ATM: variants seen among roughly 807,000 people sequenced by gnomAD.
The protein encoded by ATM is serine-protein kinase ATM.
In ATM, 308 loss-of-function variants were observed where a neutral mutation model predicts 387.0. That is an observed-to-expected ratio of 0.80 (90% confidence interval 0.73 to 0.87). The LOEUF (loss-of-function observed/expected upper bound fraction) is 0.87, where lower values mean the gene tolerates loss of function less well. Ranked by LOEUF, ATM falls within the 40% of genes least tolerant of loss-of-function variation. The probability of loss-of-function intolerance (pLI) is 0.00; values close to 1 mark genes in which losing one functional copy is unlikely to be tolerated. For synonymous variants in ATM, 1,156 were observed against 1,187.3 expected (o/e 0.97, Z 0.54); for missense variants, 3,312 against 3,560.9 (o/e 0.93, Z 1.78).
intron 61 of ATM, chr11:108,355,098 T>C (rs1426134070): frequency 1.8e-6 from 1 of 554,542 alleles, no homozygotes; most frequent in Non-Finnish European, 3.2e-6. Context: ...GTTAGAGCAT[T>C]GTAAGTAGTC....
chr11:108,296,225 T>C (rs1180783394), intron 32 of ATM, among the ~76,000 whole-genome samples: 3 of 106,214 alleles, frequency 2.8e-5, no homozygotes, highest in African/African-American at 8.7e-5. Context: ...GTTTTGATTT[T>C]CATCTTCCTA....
At chr11:108,256,137 G>T (rs553534191) in intron 13 of ATM, 78 bp from the exon 14 acceptor site, 2 of 1,322,276 alleles carry the variant, frequency 1.5e-6, no homozygotes, top group East Asian at 2.9e-5. Flanking sequence ...TATGTATGTA[G>T]AATTTGTTCT....
At chr11:108,307,107 A>G (rs561775661) in intron 37 of ATM, among the ~76,000 whole-genome samples, 1 of 150,530 alleles carries the variant, frequency 6.6e-6, no homozygotes, top group East Asian at 1.9e-4. Flanking sequence ...TCTGATGACT[A>G]TTACTCTTCT....
chr11:108,346,856 A>G (rs558980133), intron 58 of ATM, among the ~76,000 whole-genome samples: 4 of 152,290 alleles, frequency 2.6e-5, no homozygotes, highest in Non-Finnish European at 4.4e-5. Flanking sequence ...AATATAATTC[A>G]TCAAGGAGAA....
intron 11 of ATM, 103 bp downstream of exon 11, chr11:108,252,134 G>A: frequency 1.0e-6 from 1 of 1,000,094 alleles, no homozygotes; most frequent in Non-Finnish European, 1.5e-6. Flanking sequence ...TAATAATGCA[G>A]AATTTCCCAG....
At position 108,333,955 on chromosome 11, in the gene ATM, C is replaced by A. The variant is rs730881384; in HGVS notation, c.7997C>A (p.Thr2666Asn). Reference sequence around the variant, plus strand: ...AATTTAGAAGATGTTGTTGTCCCTACTATGGAAATTAAGGTAATTTGCAAT... The same window carrying A: ...AATTTAGAAGATGTTGTTGTCCCTAATATGGAAATTAAGGTAATTTGCAAT... ...LKNLEDVVVP[T>N]MEIKVDHTGE... is the part of the protein sequence containing the mutation. Residue 2666 changes from threonine (T) to asparagine (N), a missense_variant, in exon 54 of 63, where the codon ACT becomes AAT. Coordinates refer to ENST00000675843, the MANE Select transcript of ATM (RefSeq NM_000051.4). 2 of 1,609,208 alleles carry A rather than the reference C, an allele frequency of 1.2e-6. No individual in the cohort carries two copies. The highest frequency in any genetic ancestry group is 2.7e-5 in the African/African-American group (2 of 74,768).
chr11:108,244,285 T>C (rs1335976761), intron 6 of ATM, among the ~76,000 whole-genome samples, 167 bp downstream of exon 6: 1 of 152,230 alleles, frequency 6.6e-6, no homozygotes, highest in East Asian at 1.9e-4. Context: ...ACTTTCTGAA[T>C]ATCCAATATG....
chr11:108,336,183 G>T (rs1344873906), intron 56 of ATM: 8 of 454,434 alleles, frequency 1.8e-5, no homozygotes, highest in Non-Finnish European at 3.2e-5. Flanking sequence ...TGTGCTTGTA[G>T]TCCCTTAGCT....
rs368161489 is a variant in ATM, at chr11:108,227,798, G to A, written c.95G>A (p.Arg32His). ...CAGAAAGAAGTTGAGAAATTTAAGC[G>A]CCTGATTCGAGATCCTGAAACAATT... ...ERKKEVEKFK[R>H]LIRDPETIKH... The change falls in exon 3 of 63, where the codon CGC (arginine) becomes CAC (histidine). Residue 32 changes from arginine (R) to histidine (H), a missense_variant. Around this residue, in one of 4 missense-constraint regions of ATM, gnomAD observed 1,791 missense variants for 1,804.5 expected, o/e 0.99. Coordinates refer to ENST00000675843, the MANE Select transcript of ATM (RefSeq NM_000051.4). The A allele has an allele frequency of 1.7e-5, 27 of 1,613,390 alleles. No homozygotes were observed. Among genetic ancestry groups the A allele is most frequent in the Admixed American group, 6.7e-5 (4 of 59,978 alleles).
At chr11:108,225,389 A>G (rs2078688154) in intron 1 of ATM, 1 of 152,282 alleles carries the variant, frequency 6.6e-6, no homozygotes, top group Non-Finnish European at 1.5e-5. Flanking sequence ...GGATGGGGGA[A>G]GTCAGAAGAA....
At chr11:108,229,435 A>G in intron 4 of ATM, 112 bp downstream of exon 4, 1 of 1,098,304 alleles carries the variant, frequency 9.1e-7, no homozygotes, top group East Asian at 2.6e-5. Flanking sequence ...GTTTGTTCTA[A>G]ATAGAATAAG....
chr11:108,265,972 A>T (rs574667304), intron 16 of ATM, among the ~76,000 whole-genome samples: 1 of 151,506 alleles, frequency 6.6e-6, no homozygotes, highest in Admixed American at 6.6e-5. Flanking sequence ...GTCATTAAAA[A>T]GTCAGGAAAC....
At chr11:108,342,778 G>C (rs2087750340) in intron 56 of ATM, among the ~76,000 whole-genome samples, 1 of 152,156 alleles carries the variant, frequency 6.6e-6, no homozygotes, top group South Asian at 2.1e-4. Context: ...ACTAAAGCAA[G>C]AGTACATGTA....
In ATM at chr11:108,312,872, A is replaced by G. The variant is rs2084296939; in HGVS notation, c.6006+374A>G. Reference sequence around the variant, plus strand: ...ACAGAAGAAGCAGATTGCCTCTTCTATAAATTTCTTGATATCCATTCTTAA... The same window carrying G: ...ACAGAAGAAGCAGATTGCCTCTTCTGTAAATTTCTTGATATCCATTCTTAA... On this transcript the variant is annotated intron_variant, in intron 40 of 62. Coordinates refer to ENST00000675843, the MANE Select transcript of ATM (RefSeq NM_000051.4). Among the ~76,000 whole-genome samples, 3 of 152,322 alleles carry G rather than the reference A, an allele frequency of 2.0e-5. No individual in the cohort carries two copies. The South Asian group carries it at 6.2e-4, about 32-fold the overall frequency.
chr11:108,335,407 T>G, intron 55 of ATM: 1 of 732,200 alleles, frequency 1.4e-6, no homozygotes, highest in Non-Finnish European at 2.0e-6. Context: ...TGTCTGTCTC[T>G]TATTTCCTTG....
At position 108,366,680 on chromosome 11, in the gene ATM, G is replaced by A. The variant is rs2091348588; in HGVS notation, c.*1172G>A. 1 of 231,374 alleles carries A rather than the reference G, an allele frequency of 4.3e-6. No individual in the cohort carries two copies. Among genetic ancestry groups the A allele is most frequent in the Admixed American group, 5.6e-5 (1 of 17,720 alleles). 14.3% of individuals were successfully genotyped at this position (231,374 alleles called of 1,614,324 possible). A position where few individuals can be genotyped will look rare whatever the true frequency, so the allele number is the denominator to read the frequency against. ...GCTTTAGGGTTTCCATACCTGAAGTGTAGCATAAATACTGATAGGAGATTT... is the reference window on the plus strand; with the variant it reads ...GCTTTAGGGTTTCCATACCTGAAGTATAGCATAAATACTGATAGGAGATTT... On this transcript the variant is annotated 3_prime_UTR_variant, in exon 63 of 63. Transcript: ENST00000675843.
intron 16 of ATM, among the ~76,000 whole-genome samples, chr11:108,261,795 G>A (rs370349459): frequency 7.9e-5 from 12 of 152,286 alleles, no homozygotes; most frequent in African/African-American, 2.4e-4. Flanking sequence ...TAAAGGAGCC[G>A]ATGGAGCTGA....
chr11:108,335,171 A>G (rs1410175321), intron 55 of ATM, 62 bp downstream of exon 55: 2 of 1,610,110 alleles, frequency 1.2e-6, no homozygotes, highest in East Asian at 2.2e-5. Flanking sequence ...TTTAGTTCAT[A>G]TTTTCTTTCT....
intron 56 of ATM, among the ~76,000 whole-genome samples, chr11:108,341,570 C>T (rs2087584662): frequency 6.6e-6 from 1 of 151,990 alleles, no homozygotes; most frequent in Admixed American, 6.6e-5. Context: ...CCTTAAGACA[C>T]AAAACAGTTC....
Sources: gnomAD v4.1 joint callset for allele counts (sites outside exome capture counted in the v4.1 genomes callset) on GRCh38, gnomAD v4.1.1 for gene constraint, gnomAD v4.1.1 regional missense constraint, MANE v1.5 for transcripts, NCBI Gene and HGNC (gene_info 2026-07-23, HGNC 2026-07-21) for gene names.